Variants in PREP observed in about 807,000 individuals in gnomAD.
PREP encodes prolyl endopeptidase.
A neutral mutation model predicts 87.6 loss-of-function variants in PREP; 29 were observed. The observed-to-expected ratio is 0.33, with a 90% CI of 0.25 to 0.45. The LOEUF (loss-of-function observed/expected upper bound fraction) is 0.45, where lower values mean the gene tolerates loss of function less well. PREP is among the 20% of genes least tolerant of loss of function. The pLI is 1.00. For synonymous variants in PREP, 337 were observed against 328.6 expected (o/e 1.03, Z -0.28); for missense variants, 695 against 886.5 (o/e 0.78, Z 2.74).
intron 7 of PREP, among the ~76,000 whole-genome samples, chr6:105,339,226 A>T (rs1407392379): frequency 6.6e-6 from 1 of 152,168 alleles, no homozygotes; most frequent in Admixed American, 6.5e-5. Flanking sequence ...GCCATTCTGC[A>T]ATATTTGCTG....
At position 105,377,443 on chromosome 6, in the gene PREP, C is replaced by T; in HGVS notation, c.197G>A (p.Arg66Lys). 4 of 1,613,652 alleles carry T rather than the reference C, an allele frequency of 2.5e-6. No homozygotes were observed. The highest frequency in any genetic ancestry group is 3.4e-6 in the Non-Finnish European group (4 of 1,179,648). The change falls in exon 3 of 15, where the codon AGA (arginine) becomes AAA (lysine). Residue 66 changes from arginine (R) to lysine (K), a missense_variant. Arg to Lys is a conservative substitution (Grantham distance 26). Around this residue, in one of 5 missense-constraint regions of PREP, gnomAD observed 517 missense variants for 620.3 expected, o/e 0.83. Transcript: ENST00000652536. ...GGGATAATCATATAGTTCAGTCATT[C>T]TCTCTTTGTATAAACCTCTGATGGG... ...QCPIRGLYKE[R>K]MTELYDYPKY...
intron 10 of PREP, chr6:105,298,997 T>G (rs920601570): frequency 8.5e-5 from 13 of 152,208 alleles, no homozygotes; most frequent in African/African-American, 3.1e-4. Context: ...ACAATATTAT[T>G]CCACATCCCA....
intron 12 of PREP, among the ~76,000 whole-genome samples, chr6:105,283,138 G>A (rs1770118287): frequency 6.6e-6 from 1 of 152,204 alleles, no homozygotes; most frequent in Non-Finnish European, 1.5e-5. Flanking sequence ...CCCCAGTCTT[G>A]CCCTCGGTTA....
chr6:105,313,794 G>A (rs1770806962), intron 10 of PREP, among the ~76,000 whole-genome samples: 1 of 152,180 alleles, frequency 6.6e-6, no homozygotes, highest in African/African-American at 2.4e-5. Flanking sequence ...TGCCAGCGTT[G>A]GCATGAATGC....
chr6:105,275,382 A>G lies in PREP; in HGVS notation c.*2762T>C, dbSNP rs943690780. ...GAAACATGATTAATTGGAAAGTTTT[A>G]TAATATTCCAGGTAAGTCCATAGTG... On this transcript the variant is annotated 3_prime_UTR_variant, in exon 15 of 15. Coordinates refer to ENST00000652536, the MANE Select transcript of PREP (RefSeq NM_002726.5). Among the ~76,000 whole-genome samples the G allele has an allele frequency of 6.6e-6, 1 of 152,242 alleles. No individual in the cohort carries two copies. The highest frequency in any genetic ancestry group is 1.5e-5 in the Non-Finnish European group (1 of 68,042).
At chr6:105,321,457 T>C (rs959073406) in intron 10 of PREP, among the ~76,000 whole-genome samples, 3 of 152,244 alleles carry the variant, frequency 2.0e-5, no homozygotes, top group Non-Finnish European at 4.4e-5. Flanking sequence ...CTCCACGGTT[T>C]AACCTGGACA....
chr6:105,352,474 A>G (rs1771984142), intron 7 of PREP, among the ~76,000 whole-genome samples: 1 of 152,140 alleles, frequency 6.6e-6, no homozygotes, highest in Non-Finnish European at 1.5e-5. Flanking sequence ...GCCAATTCCC[A>G]TTGGTCTAAT....
chr6:105,397,185 C>CAAAAA (rs67107334), intron 2 of PREP, among the ~76,000 whole-genome samples: 1 of 86,846 alleles, frequency 1.2e-5, no homozygotes, highest in Non-Finnish European at 2.5e-5. Context: ...ACTCTGTCTA[C>CAAAAA]AAAAAAAAAA....
chr6:105,333,325 T>G lies in PREP; in HGVS notation c.1004A>C (p.Lys335Thr). The change falls in exon 8 of 15, where the codon AAA (lysine) becomes ACA (threonine). Residue 335 changes from lysine to threonine, a missense_variant. Physicochemically the swap from Lys to Thr is moderately conservative, Grantham distance 78. Transcript: ENST00000652536. ...KWKVLVPEHE[K>T]DVLEWIACVR... ...ACATGTGTTCTCACCTAAGACATCT[T>G]TCTCATGCTCAGGAACAAGTACTTT... 1 of 1,613,866 alleles carries G rather than the reference T, an allele frequency of 6.2e-7. No individual in the cohort carries two copies. The highest frequency in any genetic ancestry group is 2.2e-5 in the East Asian group (1 of 44,874).
In PREP at chr6:105,333,412, C is replaced by A. The variant is rs376174942; in HGVS notation, c.917G>T (p.Arg306Leu). The change falls in exon 8 of 15, where the codon CGC (arginine) becomes CTC (leucine). Residue 306 changes from arginine (R) to leucine (L), a missense_variant. This residue lies in a region of PREP where 517 missense variants were observed against 620.3 expected (regional missense o/e 0.83). Transcript: ENST00000652536. The stretch of plus-strand genomic sequence containing the variant: ...GATCACGCGATAGTTGGGAGACTGG[C>A]GATTCGTCTTGAATGTGAACACCGT... ...EGTVFTFKTN[R>L]QSPNYRVINI... 4.3e-6 allele frequency: 7 copies of A among 1,614,084 alleles called. No homozygotes were observed. The highest frequency in any genetic ancestry group is 1.1e-5 in the South Asian group (1 of 91,072).
At chr6:105,392,926 G>A (rs1393425267) in intron 2 of PREP, among the ~76,000 whole-genome samples, 1 of 152,204 alleles carries the variant, frequency 6.6e-6, no homozygotes, top group African/African-American at 2.4e-5. Context: ...AGGGGGCAAC[G>A]TAGGCCTTTC....
intron 10 of PREP, among the ~76,000 whole-genome samples, chr6:105,318,557 A>G (rs2114641387): frequency 6.6e-6 from 1 of 152,326 alleles, no homozygotes; most frequent in South Asian, 2.1e-4. Context: ...CACTCTGAAT[A>G]TGAACACTAC....
At position 105,323,661 on chromosome 6, in the gene PREP, A is replaced by C; in HGVS notation, c.1317+4T>G. 32 of 1,600,448 alleles carry C rather than the reference A, an allele frequency of 2.0e-5. No individual in the cohort carries two copies. Among genetic ancestry groups the C allele is most frequent in the Middle Eastern group, 1.7e-4 (1 of 6,036 alleles). On this transcript the variant is annotated splice_donor_region_variant and intron_variant, in intron 10 of 14. Coordinates refer to ENST00000652536, the MANE Select transcript of PREP (RefSeq NM_002726.5). Reference sequence around the variant, plus strand: ...TCACATTAATGAGATCATATTCTCCATACCTGGACTGTCTGGTAATCAGAA... The same window carrying C: ...TCACATTAATGAGATCATATTCTCCCTACCTGGACTGTCTGGTAATCAGAA...
intron 6 of PREP, among the ~76,000 whole-genome samples, chr6:105,367,005 T>C (rs1772403235): frequency 6.6e-6 from 1 of 152,114 alleles, no homozygotes. Context: ...AATGAAAAAG[T>C]TCTGAGGATT....
At chr6:105,285,398 C>T (rs1344260300) in intron 12 of PREP, 88 bp downstream of exon 12, 3 of 1,347,146 alleles carry the variant, frequency 2.2e-6, no homozygotes, top group East Asian at 2.3e-5. Flanking sequence ...CTGCTCCAAA[C>T]CCCTTCAGCT....
At chr6:105,341,897 C>T (rs1771662132) in intron 7 of PREP, among the ~76,000 whole-genome samples, 1 of 151,540 alleles carries the variant, frequency 6.6e-6, no homozygotes, top group Admixed American at 6.6e-5. Context: ...GCAATAATAG[C>T]CTGCCAACCA....
intron 10 of PREP, among the ~76,000 whole-genome samples, chr6:105,313,204 C>A (rs1026410273): frequency 1.3e-5 from 2 of 152,010 alleles, no homozygotes; most frequent in Admixed American, 6.5e-5. Flanking sequence ...GACAGTAATG[C>A]CAGTAATGGT....
chr6:105,392,317 C>A (rs576255852), intron 2 of PREP, among the ~76,000 whole-genome samples: 1 of 152,004 alleles, frequency 6.6e-6, no homozygotes, highest in Non-Finnish European at 1.5e-5. Flanking sequence ...GGATTACAGG[C>A]GTGAGCCCCC....
chr6:105,400,279 C>T (rs1366912262), intron 1 of PREP, among the ~76,000 whole-genome samples: 1 of 152,114 alleles, frequency 6.6e-6, no homozygotes, highest in Non-Finnish European at 1.5e-5. Flanking sequence ...TAATCCTGTT[C>T]GATATTTTAC....
Sources: gnomAD v4.1 joint callset for allele counts (sites outside exome capture counted in the v4.1 genomes callset) on GRCh38, gnomAD v4.1.1 for gene constraint, gnomAD v4.1.1 regional missense constraint, MANE v1.5 for transcripts, NCBI Gene and HGNC (gene_info 2026-07-23, HGNC 2026-07-21) for gene names.